EFNA5: variants seen among roughly 807,000 people sequenced by gnomAD.
The protein encoded by EFNA5 is ephrin A5.
A neutral mutation model predicts 22.9 loss-of-function variants in EFNA5; 5 were observed. The observed-to-expected ratio is 0.22, with a 90% confidence interval of 0.11 to 0.46. The LOEUF (loss-of-function observed/expected upper bound fraction) is 0.46. Ranked by LOEUF, EFNA5 falls within the 20% of genes least tolerant of loss-of-function variation. The pLI is 0.99. For missense variants in EFNA5, 237 were observed against 293.3 expected (o/e 0.81, Z 1.40); for synonymous variants, 113 against 112.2 (o/e 1.01, Z -0.04).
At chr5:107,494,722 T>A (rs1331050605) in intron 1 of EFNA5, among the ~76,000 whole-genome samples, 1 of 152,164 alleles carries the variant, frequency 6.6e-6, no homozygotes. Context: ...AATATACCAA[T>A]CAGCACTCTG....
chr5:107,532,792 C>T (rs773520704), intron 1 of EFNA5, among the ~76,000 whole-genome samples: 4 of 152,122 alleles, frequency 2.6e-5, no homozygotes, highest in Non-Finnish European at 4.4e-5. Context: ...CCATGTGAAG[C>T]AGAGAATATT....
chr5:107,579,033 G>C (rs1254766022), intron 1 of EFNA5, among the ~76,000 whole-genome samples: 3 of 152,050 alleles, frequency 2.0e-5, no homozygotes, highest in African/African-American at 7.2e-5. Context: ...GTGTCCACAT[G>C]AAGCACACTG....
intron 1 of EFNA5, among the ~76,000 whole-genome samples, chr5:107,529,641 A>C (rs967333925): frequency 2.0e-5 from 3 of 152,126 alleles, no homozygotes; most frequent in African/African-American, 7.2e-5. Context: ...ATTCCACATG[A>C]TCAAGTGACC....
At chr5:107,663,914 T>C (rs1751018928) in intron 1 of EFNA5, among the ~76,000 whole-genome samples, 1 of 152,186 alleles carries the variant, frequency 6.6e-6, no homozygotes, top group Non-Finnish European at 1.5e-5. Context: ...GTATGAAGGA[T>C]GTTTCTAAAG....
At chr5:107,572,044 G>C (rs543916242) in intron 1 of EFNA5, among the ~76,000 whole-genome samples, 7 of 152,232 alleles carry the variant, frequency 4.6e-5, no homozygotes, top group Admixed American at 1.3e-4. Context: ...AGTCATACAG[G>C]TGTGGGCCGG....
chr5:107,648,992 G>A (rs1750679650), intron 1 of EFNA5, among the ~76,000 whole-genome samples: 1 of 152,122 alleles, frequency 6.6e-6, no homozygotes, highest in African/African-American at 2.4e-5. Flanking sequence ...ATAGATTAAT[G>A]AAGTTGAAAA....
intron 1 of EFNA5, among the ~76,000 whole-genome samples, chr5:107,528,086 C>T (rs462885): frequency 0.18 from 27,397 of 152,140 alleles, 2,873 homozygotes; most frequent in Middle Eastern, 0.37. Context: ...TACATTGGCA[C>T]GGAGCTGGTA....
chr5:107,489,941 T>G (rs927387185), intron 1 of EFNA5, among the ~76,000 whole-genome samples: 1 of 152,134 alleles, frequency 6.6e-6, no homozygotes, highest in Non-Finnish European at 1.5e-5. Context: ...GAACAGGATG[T>G]CCTTCAACAC....
At chr5:107,427,976 T>G (rs1748850021) in intron 1 of EFNA5, among the ~76,000 whole-genome samples, 1 of 152,230 alleles carries the variant, frequency 6.6e-6, no homozygotes, top group South Asian at 2.1e-4. Flanking sequence ...TTTGTTATAG[T>G]TGAGGCCATT....
At chr5:107,477,218 G>C (rs1322761826) in intron 1 of EFNA5, among the ~76,000 whole-genome samples, 1 of 152,128 alleles carries the variant, frequency 6.6e-6, no homozygotes, top group South Asian at 2.1e-4. Context: ...ATAAGGAATA[G>C]GTCAATGTGT....
intron 1 of EFNA5, among the ~76,000 whole-genome samples, chr5:107,520,742 G>T (rs965678114): frequency 2.0e-5 from 3 of 152,206 alleles, no homozygotes; most frequent in Admixed American, 2.0e-4. Context: ...GAGTGTTTCT[G>T]ACTGCTTGGT....
chr5:107,489,816 T>A (rs1223919412), intron 1 of EFNA5, among the ~76,000 whole-genome samples: 1 of 152,214 alleles, frequency 6.6e-6, no homozygotes, highest in East Asian at 1.9e-4. Flanking sequence ...GACTCAGTTA[T>A]GCTCTTTCTT....
At chr5:107,593,697 A>G (rs1168236130) in intron 1 of EFNA5, among the ~76,000 whole-genome samples, 1 of 152,200 alleles carries the variant, frequency 6.6e-6, no homozygotes, top group Non-Finnish European at 1.5e-5. Flanking sequence ...ATGGGACCGG[A>G]AGGATTAAAG....
At chr5:107,404,165 G>A (rs1398778722) in intron 2 of EFNA5, among the ~76,000 whole-genome samples, 2 of 152,182 alleles carry the variant, frequency 1.3e-5, no homozygotes, top group African/African-American at 2.4e-5. Context: ...GTTCAAGCTC[G>A]AAATGATAGA....
At position 107,431,365 on chromosome 5, in the gene EFNA5, T is replaced by G. The variant is rs553650676; in HGVS notation, c.126-3856A>C. Among the ~76,000 whole-genome samples the G allele has an allele frequency of 1.2e-4, 18 of 152,342 alleles. No homozygotes were observed. In the East Asian group the frequency reaches 3.3e-3, roughly 28 times the overall value. ...TTTTGCCTTAATATATCAAATCATG[T>G]TCTCTGGGTATAAAGTAGAATGGAA... On this transcript the variant is annotated intron_variant, in intron 1 of 4. Transcript: ENST00000333274.
At chr5:107,488,726 CT>C (rs542914761) in intron 1 of EFNA5, among the ~76,000 whole-genome samples, 1 of 152,168 alleles carries the variant, frequency 6.6e-6, no homozygotes, top group Non-Finnish European at 1.5e-5. Context: ...GCGTCTTGCT[CT>C]GTCGCCCAGG....
intron 1 of EFNA5, among the ~76,000 whole-genome samples, chr5:107,538,775 A>C (rs1362864169): frequency 6.6e-6 from 1 of 152,226 alleles, no homozygotes; most frequent in Non-Finnish European, 1.5e-5. Flanking sequence ...TTTGTATTCC[A>C]TTTGTAAAGT....
intron 1 of EFNA5, among the ~76,000 whole-genome samples, chr5:107,652,679 T>C (rs1750755984): frequency 6.6e-6 from 1 of 152,200 alleles, no homozygotes; most frequent in Non-Finnish European, 1.5e-5. Flanking sequence ...TTATTAACAA[T>C]TACTTTGTAG....
chr5:107,514,095 A>G (rs1004555920), intron 1 of EFNA5, among the ~76,000 whole-genome samples: 1 of 152,200 alleles, frequency 6.6e-6, no homozygotes, highest in Non-Finnish European at 1.5e-5. Context: ...GTCATGCTAA[A>G]TGACATCCCT....
Sources: gnomAD v4.1 joint callset for allele counts (sites outside exome capture counted in the v4.1 genomes callset) on GRCh38, gnomAD v4.1.1 for gene constraint, MANE v1.5 for transcripts, NCBI Gene and HGNC (gene_info 2026-07-23, HGNC 2026-07-21) for gene names.